The following SAMHD1 variants were observed in gnomAD, a reference collection of about 807,000 sequenced individuals.
SAMHD1 encodes the protein deoxynucleoside triphosphate triphosphohydrolase SAMHD1.
SAMHD1 carries 54 observed loss-of-function variants against 79.6 expected under a neutral mutation model. The ratio of observed to expected loss-of-function variants is 0.68; its 90% confidence interval spans 0.55 to 0.85. SAMHD1 has a LOEUF of 0.85. Among genes scored for constraint, SAMHD1 ranks in the 40% least tolerant of loss-of-function variants. The probability of loss-of-function intolerance (pLI) is 0.00; values close to 1 mark genes in which losing one functional copy is unlikely to be tolerated. For synonymous variants in SAMHD1, 260 were observed against 264.1 expected, an observed-to-expected ratio of 0.98 and a Z score of 0.15; for missense variants, 663 against 782.7, an observed-to-expected ratio of 0.85 and a Z score of 1.82.
intron 12 of SAMHD1, 48 bp from the exon 13 acceptor site, chr20:36,904,297 CT>C (rs762308608): frequency 3.9e-6 from 5 of 1,278,644 alleles, no homozygotes; most frequent in African/African-American, 1.5e-5. Context: ...TTCATCAAGT[CT>C]TTGAGCCACA....
At position 36,890,520 on chromosome 20, in the gene SAMHD1, A is replaced by T. The variant is rs1465153666; in HGVS notation, c.*2412T>A. 1 of 150,332 alleles carries T rather than the reference A, an allele frequency of 6.7e-6. No individual in the cohort carries two copies. The highest frequency in any genetic ancestry group is 1.5e-5 in the Non-Finnish European group (1 of 67,824). The allele number at this position is 150,332 out of a possible 1,614,324, so 9.3% of individuals were successfully genotyped here. ...GCTCTTGACCCCGAGGCTGGAGTGC[A>T]GTGGCCTGATCTTGGCTCACTGCAA... On this transcript the variant is annotated 3_prime_UTR_variant, in exon 16 of 16. Coordinates refer to ENST00000646673, the MANE Select transcript of SAMHD1 (RefSeq NM_015474.4).
chr20:36,938,840 C>T (rs2063621413), intron 3 of SAMHD1, among the ~76,000 whole-genome samples: 1 of 151,668 alleles, frequency 6.6e-6, no homozygotes, highest in Non-Finnish European at 1.5e-5. Flanking sequence ...AGCAAGACTC[C>T]ATCTCAAAAA....
rs549084212 is a variant in SAMHD1 at position 36,914,294 on chromosome 20, A to G, written c.1063-1742T>C. On this transcript the variant is annotated intron_variant, in intron 9 of 15. Coordinates refer to ENST00000646673, the MANE Select transcript of SAMHD1 (RefSeq NM_015474.4). Reference sequence around the variant, plus strand: ...GACGATGAGGATGAAGACCTTTATGATGATCTACTTCCACTTAATGAATAG... The same window carrying G: ...GACGATGAGGATGAAGACCTTTATGGTGATCTACTTCCACTTAATGAATAG... 8.5e-5 allele frequency among the ~76,000 whole-genome samples: 13 copies of G among 152,140 alleles called. No individual in the cohort carries two copies. In the East Asian group the frequency reaches 2.5e-3, roughly 29 times the overall value.
intron 9 of SAMHD1, among the ~76,000 whole-genome samples, chr20:36,912,889 G>GTTTTTTTTTTTTTTTTT (rs71186089): frequency 9.7e-5 from 4 of 41,104 alleles, no homozygotes; most frequent in Admixed American, 4.2e-4. Flanking sequence ...TTCATTCTTT[G>GTTTTTTTTTTTTTTTTT]TTTTTTTTTT....
intron 1 of SAMHD1, among the ~76,000 whole-genome samples, chr20:36,950,434 A>C: frequency 6.6e-6 from 1 of 152,128 alleles, no homozygotes; most frequent in East Asian, 1.9e-4. Context: ...CTAGCCAAAC[A>C]GGGCCCCACC....
chr20:36,916,859 A>G (rs1568769645), intron 8 of SAMHD1, 29 bp from the exon 9 acceptor site: 6 of 1,602,172 alleles, frequency 3.7e-6, no homozygotes, highest in Non-Finnish European at 3.4e-6. Context: ...AGAGAGATGA[A>G]ATTTTTCAAC....
chr20:36,904,579 T>G (rs2063394630), intron 12 of SAMHD1: 3 of 336,054 alleles, frequency 8.9e-6, no homozygotes. Flanking sequence ...TAGCTGGGCG[T>G]GGTGGCGGGT....
chr20:36,917,336 T>C (rs764355532), intron 7 of SAMHD1: 18 of 370,760 alleles, frequency 4.9e-5, no homozygotes, highest in South Asian at 4.2e-4. Flanking sequence ...TTTTGTGTTT[T>C]CTTGGTTTAT....
intron 13 of SAMHD1, chr20:36,903,927 T>C (rs1753162111): frequency 4.8e-6 from 2 of 420,520 alleles, no homozygotes; most frequent in Non-Finnish European, 8.6e-6. Context: ...TTAAAAATTT[T>C]TAATTAATAT....
chr20:36,942,431 A>C (rs2146145981), intron 2 of SAMHD1, among the ~76,000 whole-genome samples: 1 of 152,220 alleles, frequency 6.6e-6, no homozygotes, highest in East Asian at 1.9e-4. Flanking sequence ...AAACAAAACA[A>C]AACAAAACCA....
At chr20:36,924,734 TC>T (rs1445067489) in intron 6 of SAMHD1, among the ~76,000 whole-genome samples, 1 of 152,108 alleles carries the variant, frequency 6.6e-6, no homozygotes, top group Admixed American at 6.6e-5. Context: ...TTTCTTTTCT[TC>T]TTTTTTTTTC....
At chr20:36,947,896 T>G (rs995806362) in intron 1 of SAMHD1, among the ~76,000 whole-genome samples, 1 of 151,852 alleles carries the variant, frequency 6.6e-6, no homozygotes, top group Non-Finnish European at 1.5e-5. Flanking sequence ...GGTCTTGAAT[T>G]CTTGGGCTCA....
At chr20:36,895,679 C>A (rs1213722248) in intron 15 of SAMHD1, among the ~76,000 whole-genome samples, 2 of 151,978 alleles carry the variant, frequency 1.3e-5, no homozygotes, top group Non-Finnish European at 2.9e-5. Context: ...ACTTTAATAG[C>A]CTCTCTTGAC....
At chr20:36,907,109 G>A (rs1296616617) in intron 11 of SAMHD1, among the ~76,000 whole-genome samples, 2 of 148,360 alleles carry the variant, frequency 1.3e-5, no homozygotes, top group African/African-American at 5.0e-5. Flanking sequence ...TTTTTTTTAA[G>A]GAGACAAGGT....
rs1299870429 is a variant in SAMHD1 at position 36,892,839 on chromosome 20, C to T, written c.*93G>A. 1 of 1,489,226 alleles carries T rather than the reference C, an allele frequency of 6.7e-7. No individual in the cohort carries two copies. Among genetic ancestry groups the T allele is most frequent in the South Asian group, 1.1e-5 (1 of 88,464 alleles). 92.3% of individuals were successfully genotyped at this position (1,489,226 alleles called of 1,614,324 possible). On this transcript the variant is annotated 3_prime_UTR_variant, in exon 16 of 16. Coordinates refer to ENST00000646673, the MANE Select transcript of SAMHD1 (RefSeq NM_015474.4). ...GTACATTCAAAATACAAAATTAAAG[C>T]ATGAGTTGTCATTAATTTGCAGAAT...
intron 3 of SAMHD1, among the ~76,000 whole-genome samples, chr20:36,939,075 C>CAAAAAA (rs1178988134): frequency 0.037 from 829 of 22,530 alleles, 44 homozygotes; most frequent in Middle Eastern, 0.083. Flanking sequence ...CTAAAAATAC[C>CAAAAAA]AAAAAAAAAA....
Position 36,927,240 on chromosome 20 carries a change from A to G in SAMHD1, c.638T>C (p.Phe213Ser). 3.7e-6 allele frequency: 6 copies of G among 1,614,050 alleles called. No individual in the cohort carries two copies. Among genetic ancestry groups the G allele is most frequent in the Non-Finnish European group, 5.1e-6 (6 of 1,179,956 alleles). ...AAATCGTCCATCAAACATGTGAGAA[A>G]ATGGCCCATGACCTTAAAAACAAAA... ...GLCHDLGHGP[F>S]SHMFDGRFIP... Residue 213 changes from phenylalanine to serine, a missense_variant, in exon 6 of 16, where the codon TTT becomes TCT. Physicochemically the swap from Phe to Ser is radical, Grantham distance 155. Transcript: ENST00000646673.
At chr20:36,911,409 T>G in intron 10 of SAMHD1, 76 bp from the exon 11 acceptor site, 2 of 909,382 alleles carry the variant, frequency 2.2e-6, no homozygotes, top group Non-Finnish European at 3.6e-6. Context: ...TAAGGAAATC[T>G]TTCTACTTTA....
At chr20:36,928,844 G>A (rs2063551565) in intron 5 of SAMHD1, among the ~76,000 whole-genome samples, 1 of 152,006 alleles carries the variant, frequency 6.6e-6, no homozygotes. Flanking sequence ...ATCACCTGAG[G>A]TCAGGAGTTT....
Sources: allele counts gnomAD v4.1 joint callset (sites outside exome capture counted in the v4.1 genomes callset), GRCh38; gene constraint gnomAD v4.1.1; transcripts MANE v1.5; gene names NCBI Gene and HGNC (gene_info 2026-07-23, HGNC 2026-07-21).